The following NKAIN2 variants were observed in gnomAD, a reference collection of about 807,000 sequenced individuals.
NKAIN2 encodes the protein sodium/potassium-transporting ATPase subunit beta-1-interacting protein 2.
In NKAIN2, 14 loss-of-function variants were observed where a neutral mutation model predicts 32.6. The observed-to-expected ratio is 0.43, with a 90% confidence interval of 0.28 to 0.67. The LOEUF (loss-of-function observed/expected upper bound fraction) is 0.67. NKAIN2 is among the 30% of genes least tolerant of loss of function. NKAIN2 has a pLI of 0.17. For missense variants in NKAIN2, 198 were observed against 258.3 expected (o/e 0.77, Z 1.60); for synonymous variants, 80 against 87.2 (o/e 0.92, Z 0.46).
At chr6:123,942,141 T>C (rs1426070065) in intron 1 of NKAIN2, among the ~76,000 whole-genome samples, 1 of 152,014 alleles carries the variant, frequency 6.6e-6, no homozygotes, top group African/African-American at 2.4e-5. Context: ...AATGGTTTCA[T>C]AGTCTAAAAT....
intron 1 of NKAIN2, among the ~76,000 whole-genome samples, chr6:123,977,394 G>C (rs999682044): frequency 1.3e-5 from 2 of 152,100 alleles, no homozygotes; most frequent in African/African-American, 4.8e-5. Flanking sequence ...CTGAGCAACA[G>C]AGTGAAACCT....
chr6:124,701,450 T>C (rs1774788144), intron 4 of NKAIN2, among the ~76,000 whole-genome samples: 2 of 152,096 alleles, frequency 1.3e-5, no homozygotes, highest in Admixed American at 1.3e-4. Flanking sequence ...TTGCGATTTG[T>C]TCTCTGTCAA....
chr6:124,464,331 T>C (rs1051221426), intron 3 of NKAIN2, among the ~76,000 whole-genome samples: 1 of 152,082 alleles, frequency 6.6e-6, no homozygotes, highest in African/African-American at 2.4e-5. Flanking sequence ...AAGTAAGATA[T>C]AATCTCCCAT....
At chr6:124,563,831 C>G (rs763243449) in intron 3 of NKAIN2, among the ~76,000 whole-genome samples, 1 of 151,910 alleles carries the variant, frequency 6.6e-6, no homozygotes, top group Admixed American at 6.6e-5. Flanking sequence ...GGTGTCTCCC[C>G]GAGGGAAAGT....
intron 4 of NKAIN2, among the ~76,000 whole-genome samples, chr6:124,688,733 G>C (rs1049763705): frequency 2.6e-5 from 4 of 151,862 alleles, no homozygotes; most frequent in African/African-American, 9.7e-5. Flanking sequence ...GTTATATGTT[G>C]TCTTTTCACA....
chr6:124,546,339 G>C (rs1780093679), intron 3 of NKAIN2, among the ~76,000 whole-genome samples: 1 of 152,072 alleles, frequency 6.6e-6, no homozygotes, highest in Non-Finnish European at 1.5e-5. Flanking sequence ...TCCACCCAGA[G>C]TTAGAAAAAC....
intron 1 of NKAIN2, among the ~76,000 whole-genome samples, chr6:123,827,834 C>G (rs1015551695): frequency 2.0e-5 from 3 of 151,576 alleles, no homozygotes; most frequent in Admixed American, 6.6e-5. Context: ...AAAAAAATTA[C>G]AGAGTAGAAT....
intron 1 of NKAIN2, among the ~76,000 whole-genome samples, chr6:123,988,874 AGTGTGTGT>A (rs72226512): frequency 3.0e-5 from 4 of 134,316 alleles, no homozygotes; most frequent in Non-Finnish European, 4.8e-5. Context: ...GAACCTTAAG[AGTGTGTGT>A]GTGTGTGTGT....
intron 3 of NKAIN2, among the ~76,000 whole-genome samples, chr6:124,534,571 A>G (rs1779646827): frequency 1.3e-5 from 2 of 152,224 alleles, no homozygotes; most frequent in African/African-American, 4.8e-5. Flanking sequence ...TTTGAGTATG[A>G]CAGATAGTCG....
chr6:124,776,070 C>T (rs1268838323), intron 4 of NKAIN2, among the ~76,000 whole-genome samples: 10 of 152,156 alleles, frequency 6.6e-5, no homozygotes, highest in Admixed American at 5.9e-4. Context: ...TAAAGCAAAC[C>T]TTAGCCTCCT....
intron 4 of NKAIN2, among the ~76,000 whole-genome samples, chr6:124,672,337 G>A (rs1301749698): frequency 2.0e-5 from 3 of 151,958 alleles, no homozygotes; most frequent in Non-Finnish European, 4.4e-5. Flanking sequence ...GTCCAATGTG[G>A]GAATTGTTGT....
intron 4 of NKAIN2, among the ~76,000 whole-genome samples, chr6:124,663,909 G>A (rs554972220): frequency 1.5e-4 from 23 of 152,158 alleles, no homozygotes; most frequent in African/African-American, 5.1e-4. Flanking sequence ...TCTCTATTTA[G>A]AGAACAAGAT....
chr6:123,973,247 A>G (rs570087978), intron 1 of NKAIN2, among the ~76,000 whole-genome samples: 2 of 152,216 alleles, frequency 1.3e-5, no homozygotes, highest in South Asian at 2.1e-4. Context: ...AGATTAAACT[A>G]TACATGTCTC....
chr6:124,181,225 G>A (rs1198465885), intron 1 of NKAIN2, among the ~76,000 whole-genome samples: 1 of 152,148 alleles, frequency 6.6e-6, no homozygotes, highest in Non-Finnish European at 1.5e-5. Flanking sequence ...GGGATGCAGG[G>A]CATCAAGTTC....
intron 1 of NKAIN2, among the ~76,000 whole-genome samples, chr6:123,810,073 T>C (rs1773393414): frequency 6.6e-6 from 1 of 152,178 alleles, no homozygotes; most frequent in Admixed American, 6.5e-5. Flanking sequence ...AAATATGTTT[T>C]TTTTTCCCCC....
At chr6:124,760,697 G>T (rs56133914) in intron 4 of NKAIN2, among the ~76,000 whole-genome samples, 1 of 151,890 alleles carries the variant, frequency 6.6e-6, no homozygotes, top group Non-Finnish European at 1.5e-5. Context: ...TTAAATATTA[G>T]GATAAGTTCA....
At chr6:124,017,282 G>A (rs9491041) in intron 1 of NKAIN2, among the ~76,000 whole-genome samples, 17,730 of 151,974 alleles carry the variant, frequency 0.12, 2,967 homozygotes, top group African/African-American at 0.37. Context: ...TCCCTCCCAC[G>A]ACATGTGGGA....
At chr6:124,777,947 TCACACA>T (rs142387344) in intron 4 of NKAIN2, among the ~76,000 whole-genome samples, 3,102 of 146,944 alleles carry the variant, frequency 0.021, 89 homozygotes, top group African/African-American at 0.072. Flanking sequence ...GAAATCACAT[TCACACA>T]CACACACACA....
At chr6:123,915,303 T>C (rs1040710939) in intron 1 of NKAIN2, among the ~76,000 whole-genome samples, 3 of 152,172 alleles carry the variant, frequency 2.0e-5, no homozygotes, top group African/African-American at 7.2e-5. Flanking sequence ...TTTCCAGTCC[T>C]GGAAATCATC....
Sources: gnomAD v4.1 joint callset for allele counts (sites outside exome capture counted in the v4.1 genomes callset) on GRCh38, gnomAD v4.1.1 for gene constraint, MANE v1.5 for transcripts, NCBI Gene and HGNC (gene_info 2026-07-23, HGNC 2026-07-21) for gene names.